RYR3: variants seen among roughly 807,000 people sequenced by gnomAD.
The protein encoded by RYR3 is ryanodine receptor 3.
A neutral mutation model predicts 584.3 loss-of-function variants in RYR3; 207 were observed. That is an observed-to-expected ratio of 0.35 (90% CI 0.32 to 0.40). The LOEUF is 0.40. Among genes scored for constraint, RYR3 ranks in the 10% least tolerant of loss-of-function variants. The probability of loss-of-function intolerance (pLI) is 1.00; values close to 1 mark genes in which losing one functional copy is unlikely to be tolerated. For synonymous variants in RYR3, 2,416 were observed against 2,248.5 expected (o/e 1.07, Z -2.11); for missense variants, 5,616 against 6,089.2 (o/e 0.92, Z 2.59).
chr15:33,646,035 G>A (rs1224710849), intron 28 of RYR3, among the ~76,000 whole-genome samples: 1 of 152,162 alleles, frequency 6.6e-6, no homozygotes, highest in Non-Finnish European at 1.5e-5. Context: ...GACCTAAAAG[G>A]TTAGCCTCTG....
At chr15:33,312,511 CA>C (rs1172492704) in intron 1 of RYR3, among the ~76,000 whole-genome samples, 1 of 152,126 alleles carries the variant, frequency 6.6e-6, no homozygotes, top group African/African-American at 2.4e-5. Context: ...GATGGCCCCA[CA>C]GTTGCAACTC....
intron 1 of RYR3, among the ~76,000 whole-genome samples, chr15:33,358,791 A>G (rs941163053): frequency 6.6e-6 from 1 of 152,196 alleles, no homozygotes; most frequent in African/African-American, 2.4e-5. Context: ...TGACCAAAAT[A>G]ATGAGGCACT....
chr15:33,662,821 A>C lies in RYR3; in HGVS notation c.5291A>C (p.Glu1764Ala). 1 of 1,613,882 alleles carries C rather than the reference A, an allele frequency of 6.2e-7. No homozygotes were observed. The highest frequency in any genetic ancestry group is 8.5e-7 in the Non-Finnish European group (1 of 1,179,866). Residue 1764 changes from glutamate (E) to alanine (A), a missense_variant, in exon 35 of 104, where the codon GAG (glutamate) becomes GCG (alanine). Coordinates refer to ENST00000634891, the MANE Select transcript of RYR3 (RefSeq NM_001036.6). ...GGGGAGCATAGTGCGGGGACAGAGG[A>C]GGGAGCAGAAAAGGAGGAAGTGACC... ...VFGEHSAGTE[E>A]GAEKEEVTQV...
chr15:33,775,429 T>C (rs945291999), intron 64 of RYR3, among the ~76,000 whole-genome samples: 2 of 152,162 alleles, frequency 1.3e-5, no homozygotes, highest in Non-Finnish European at 2.9e-5. Flanking sequence ...GGCTCAGGAC[T>C]AACTCTTTCT....
intron 3 of RYR3, among the ~76,000 whole-genome samples, chr15:33,514,698 G>T (rs1042671690): frequency 6.6e-6 from 1 of 151,732 alleles, no homozygotes; most frequent in Non-Finnish European, 1.5e-5. Flanking sequence ...TCACTGCTAG[G>T]GTATAAAAAT....
intron 38 of RYR3, among the ~76,000 whole-genome samples, chr15:33,690,601 A>G (rs1048338117): frequency 3.3e-5 from 5 of 152,200 alleles, no homozygotes; most frequent in African/African-American, 1.2e-4. Flanking sequence ...TGTCTCAGCT[A>G]CTTGATCAGA....
intron 46 of RYR3, 44 bp downstream of exon 46, chr15:33,726,550 C>T (rs766552173): frequency 1.3e-6 from 2 of 1,544,282 alleles, no homozygotes; most frequent in East Asian, 2.4e-5. Flanking sequence ...CTCCCAGCAG[C>T]CACTGGCTCG....
chr15:33,538,958 G>A (rs2055570421), intron 5 of RYR3, among the ~76,000 whole-genome samples: 2 of 151,902 alleles, frequency 1.3e-5, no homozygotes, highest in Non-Finnish European at 2.9e-5. Flanking sequence ...GTGTGTAAGT[G>A]TGCAGTAGAC....
rs760842157 is a variant in RYR3, at chr15:33,748,448, C to T, written c.8137-20C>T. 6 of 1,611,388 alleles carry T rather than the reference C, an allele frequency of 3.7e-6. No homozygotes were observed. The East Asian group carries it at 1.1e-4, about 30-fold the overall frequency. On this transcript the variant is annotated intron_variant, in intron 54 of 103. Coordinates refer to ENST00000634891, the MANE Select transcript of RYR3 (RefSeq NM_001036.6). ...AAGGAAAATAATGGCAACCCAGTGA[C>T]TCTGCCTTTGCTTTCCTAGGGCAAC...
At position 33,473,451 on chromosome 15, in the gene RYR3, C is replaced by T. The variant is rs747585286; in HGVS notation, c.84C>T (p.Thr28=). The T allele has an allele frequency of 6.2e-7, 1 of 1,613,886 alleles. No homozygotes were observed. The highest frequency in any genetic ancestry group is 1.7e-5 in the Admixed American group (1 of 60,012). The change falls in exon 2 of 104, where the codon ACC becomes ACT. Residue 28 remains threonine (T), a synonymous_variant. Transcript: ENST00000634891. ...EDEVVLQCIA[T]IHKEQRKFCL... is the part of the protein sequence containing the mutation. The stretch of plus-strand genomic sequence containing the variant: ...AAGTGGTACTCCAGTGCATCGCCAC[C>T]ATTCATAAGGAGCAGAGGAAGTTCT...
chr15:33,528,441 C>G (rs1040208118), intron 3 of RYR3, among the ~76,000 whole-genome samples: 1 of 152,162 alleles, frequency 6.6e-6, no homozygotes, highest in Non-Finnish European at 1.5e-5. Flanking sequence ...ATGTTGTGGC[C>G]TACTTTTACA....
chr15:33,599,919 A>G (rs1003173019), intron 16 of RYR3, among the ~76,000 whole-genome samples: 1 of 152,114 alleles, frequency 6.6e-6, no homozygotes, highest in Non-Finnish European at 1.5e-5. Context: ...TTCCTACTGT[A>G]TGTGGATTAA....
At chr15:33,379,687 C>CTCTCTCTCTCTCTCTATATATATA in intron 1 of RYR3, among the ~76,000 whole-genome samples, 64 of 125,504 alleles carry the variant, frequency 5.1e-4, no homozygotes, top group African/African-American at 2.2e-3. Flanking sequence ...CTCTCTCTCT[C>CTCTCTCTCTCTCTCTATATATATA]TATATATATA....
At chr15:33,738,165 A>G (rs534276930) in intron 49 of RYR3, among the ~76,000 whole-genome samples, 35 of 152,246 alleles carry the variant, frequency 2.3e-4, no homozygotes, top group African/African-American at 8.2e-4. Flanking sequence ...TTCTGGTGTG[A>G]ACTAGAAACG....
chr15:33,553,444 G>A (rs1237119613), intron 10 of RYR3, among the ~76,000 whole-genome samples: 1 of 152,174 alleles, frequency 6.6e-6, no homozygotes, highest in Non-Finnish European at 1.5e-5. Context: ...GTGCCCCAGT[G>A]CATCTTGTAT....
At chr15:33,620,380 C>CT (rs2060666719) in intron 19 of RYR3, among the ~76,000 whole-genome samples, 1 of 152,118 alleles carries the variant, frequency 6.6e-6, no homozygotes, top group Non-Finnish European at 1.5e-5. Context: ...GAATTCTTTC[C>CT]TTTATCCGTC....
At chr15:33,402,301 A>G (rs1468365529) in intron 1 of RYR3, among the ~76,000 whole-genome samples, 1 of 152,206 alleles carries the variant, frequency 6.6e-6, no homozygotes, top group Non-Finnish European at 1.5e-5. Context: ...AACAATTTAC[A>G]GGTTACAGAT....
At chr15:33,438,003 T>C (rs1031124802) in intron 1 of RYR3, among the ~76,000 whole-genome samples, 9 of 152,154 alleles carry the variant, frequency 5.9e-5, no homozygotes, top group African/African-American at 2.2e-4. Context: ...TATTGACAAA[T>C]GATAAATTGT....
At chr15:33,762,538 A>G (rs947953687) in intron 60 of RYR3, among the ~76,000 whole-genome samples, 1 of 152,238 alleles carries the variant, frequency 6.6e-6, no homozygotes, top group Admixed American at 6.5e-5. Flanking sequence ...AGCATAAAAT[A>G]CGTAGGAATA....
Sources: gnomAD v4.1 joint callset for allele counts (sites outside exome capture counted in the v4.1 genomes callset) on GRCh38, gnomAD v4.1.1 for gene constraint, MANE v1.5 for transcripts, NCBI Gene and HGNC (gene_info 2026-07-23, HGNC 2026-07-21) for gene names.